Variants in VIT observed in about 807,000 individuals in gnomAD.
VIT encodes the protein vitrin.
Under a neutral mutation model 78.0 loss-of-function variants are expected in VIT, and 99 were observed. The observed-to-expected ratio is 1.27, with a 90% CI of 1.08 to 1.50. The LOEUF is 1.50. Among genes scored for constraint, VIT ranks in the 40% most tolerant of loss-of-function variants. VIT has a pLI of 0.00. For missense variants in VIT, 1,126 were observed against 875.3 expected (o/e 1.29, Z -3.61); for synonymous variants, 374 against 334.3 (o/e 1.12, Z -1.29).
chr2:36,756,496 C>T (rs894813887), intron 5 of VIT, among the ~76,000 whole-genome samples: 2 of 152,184 alleles, frequency 1.3e-5, no homozygotes, highest in African/African-American at 4.8e-5. Flanking sequence ...TTTTCTAGCA[C>T]TGCTAGGCAC....
At chr2:36,706,115 C>T (rs887375471) in intron 1 of VIT, among the ~76,000 whole-genome samples, 7 of 152,206 alleles carry the variant, frequency 4.6e-5, no homozygotes, top group African/African-American at 1.7e-4. Context: ...CTTTTTATTT[C>T]CTGATTATCC....
intron 1 of VIT, among the ~76,000 whole-genome samples, chr2:36,697,601 G>C (rs1263507464): frequency 6.6e-6 from 1 of 152,222 alleles, no homozygotes; most frequent in South Asian, 2.1e-4. Flanking sequence ...TCGTAGCTCA[G>C]CTTTTCACAG....
At chr2:36,747,077 GGTT>G (rs1668181342) in intron 4 of VIT, among the ~76,000 whole-genome samples, 1 of 152,066 alleles carries the variant, frequency 6.6e-6, no homozygotes, top group Admixed American at 6.6e-5. Context: ...TTCAGGAGTA[GGTT>G]GTTTAATTTC....
Position 36,801,358 on chromosome 2 carries a change from G to T in VIT, c.1116G>T (p.Lys372Asn). The T allele has an allele frequency of 1.2e-6, 2 of 1,614,094 alleles. No individual in the cohort carries two copies. The highest frequency in any genetic ancestry group is 2.2e-5 in the South Asian group (2 of 91,078). Residue 372 changes from lysine (K) to asparagine (N), a missense_variant, in exon 13 of 16, where the codon AAG (lysine) becomes AAT (asparagine). By Grantham distance (94) the Lys-to-Asn change is moderately conservative. Coordinates refer to ENST00000379242, the MANE Select transcript of VIT (RefSeq NM_053276.4). ...LKTHTNSRDL[K>N]TAIEKITQRG... ...CACACACGAATTCTCGAGATCTGAA[G>T]ACAGCCATAGAGAAAATTACTCAGA... is the stretch of plus-strand genomic sequence containing the variant.
At position 36,744,327 on chromosome 2, in the gene VIT, C is replaced by A. The variant is rs141654687; in HGVS notation, c.275+1071C>A. 1.6e-4 allele frequency among the ~76,000 whole-genome samples: 25 copies of A among 152,220 alleles called. No individual in the cohort carries two copies. The East Asian group carries it at 4.6e-3, about 28-fold the overall frequency. The stretch of plus-strand genomic sequence containing the variant: ...TATTTTCCTTTTGGTATATACCCAG[C>A]AATGGGTATATATAGTCAGCAATGG... On this transcript the variant is annotated intron_variant, in intron 4 of 15. Transcript: ENST00000379242.
Position 36,805,576 on chromosome 2 carries a change from A to G in VIT, c.1301A>G (p.Glu434Gly), listed in dbSNP as rs1166721193. 6.2e-7 allele frequency: 1 copy of G among 1,614,126 alleles called. No homozygotes were observed. The highest frequency in any genetic ancestry group is 1.7e-5 in the Admixed American group (1 of 60,012). ...GAGGAGGCTTCAAGACTTGCGAGAG[A>G]GTCAGGAATCAACATTTTCTTCATC... ...KVEEASRLAR[E>G]SGINIFFITI... The change falls in exon 14 of 16, where the codon GAG becomes GGG. Residue 434 changes from glutamate (E) to glycine (G), a missense_variant. Transcript: ENST00000379242.
At chr2:36,713,421 A>G (rs1170128820) in intron 1 of VIT, among the ~76,000 whole-genome samples, 1 of 152,220 alleles carries the variant, frequency 6.6e-6, no homozygotes, top group African/African-American at 2.4e-5. Context: ...ACGGAGGCCA[A>G]ATCAAGCAGG....
At chr2:36,703,909 GT>G (rs770921016) in intron 1 of VIT, among the ~76,000 whole-genome samples, 6 of 116,492 alleles carry the variant, frequency 5.2e-5, no homozygotes, top group African/African-American at 1.7e-4. Flanking sequence ...TTTGTTTGGG[GT>G]TTTTTTTTGT....
Position 36,703,917 on chromosome 2 carries a change from TTGTTTGTTTTTTGTTTTTG to T in VIT, c.-19+6946_-19+6964del, listed in dbSNP as rs1363101561. On this transcript the variant is annotated intron_variant, in intron 1 of 15. Transcript: ENST00000379242. ...TTGTTTGTTTGTTTGGGGTTTTTTTTTGTTTGTTTTTTGTTTTTGTTTTTTTTTTTTGGAGACTCACTCT... is the reference window on the plus strand; with the variant it reads ...TTGTTTGTTTGTTTGGGGTTTTTTTTTTTTTTTTTTTTGGAGACTCACTCT... Among the ~76,000 whole-genome samples the T allele has an allele frequency of 6.8e-3, 340 of 49,746 alleles. 26 individuals carry two copies. The highest frequency in any genetic ancestry group is 0.019 in the Middle Eastern group (1 of 52). 32.6% of individuals were successfully genotyped at this position (49,746 alleles called of 152,430 possible). A position where few individuals can be genotyped will look rare whatever the true frequency, so the allele number is the denominator to read the frequency against.
intron 12 of VIT, among the ~76,000 whole-genome samples, chr2:36,798,405 G>A (rs1666062161): frequency 6.6e-6 from 1 of 152,132 alleles, no homozygotes; most frequent in Non-Finnish European, 1.5e-5. Context: ...TGAGGGATGG[G>A]GGCTGATGGG....
intron 4 of VIT, among the ~76,000 whole-genome samples, chr2:36,746,429 G>A (rs1381399813): frequency 1.3e-5 from 2 of 152,024 alleles, no homozygotes; most frequent in Admixed American, 6.6e-5. Context: ...AATCTATCTG[G>A]TCCAGGGCTT....
At chr2:36,753,721 T>C (rs1437897654) in intron 4 of VIT, among the ~76,000 whole-genome samples, 1 of 152,170 alleles carries the variant, frequency 6.6e-6, no homozygotes, top group Non-Finnish European at 1.5e-5. Flanking sequence ...GGAGTGGGAA[T>C]GGCTGAAACC....
Position 36,774,987 on chromosome 2 carries a change from G to T in VIT, c.737-15G>T. The T allele has an allele frequency of 6.2e-7, 1 of 1,614,036 alleles. No individual in the cohort carries two copies. The highest frequency in any genetic ancestry group is 8.5e-7 in the Non-Finnish European group (1 of 1,179,964). ...GGTTGTGTGTAAATCGGCTGACCCT[G>T]TGTAATCCCCTCAGGTATCCAAAGG... On this transcript the variant is annotated splice_polypyrimidine_tract_variant and intron_variant, in intron 8 of 15. Transcript: ENST00000379242.
intron 3 of VIT, among the ~76,000 whole-genome samples, chr2:36,730,020 C>G (rs11678799): frequency 0.97 from 147,050 of 152,294 alleles, 71,178 homozygotes; most frequent in Middle Eastern, 1. Context: ...ATAAGGCCAG[C>G]GACGGTGGCT....
At chr2:36,739,672 T>G (rs2148509034) in intron 3 of VIT, among the ~76,000 whole-genome samples, 1 of 152,122 alleles carries the variant, frequency 6.6e-6, no homozygotes, top group East Asian at 1.9e-4. Flanking sequence ...GGTGCTCTAA[T>G]GTGATTTCTG....
rs1222276636 is a variant in VIT at position 36,754,951 on chromosome 2, A to G, written c.306A>G (p.Ile102Met). ...SGVLDNSGGK[I>M]LVRKVAGQSG... The stretch of plus-strand genomic sequence containing the variant: ...TGCTTGATAATTCAGGAGGGAAAAT[A>G]CTTGTTCGGAAGGTTGCTGGACAGT... The change falls in exon 5 of 16, where the codon ATA becomes ATG. Residue 102 changes from isoleucine to methionine, a missense_variant. Physicochemically the swap from Ile to Met is conservative, Grantham distance 10 (BLOSUM62 1). Coordinates refer to ENST00000379242, the MANE Select transcript of VIT (RefSeq NM_053276.4). 1 of 1,613,994 alleles carries G rather than the reference A, an allele frequency of 6.2e-7. No homozygotes were observed. The highest frequency in any genetic ancestry group is 8.5e-7 in the Non-Finnish European group (1 of 1,179,994).
intron 13 of VIT, among the ~76,000 whole-genome samples, chr2:36,803,152 C>T (rs1666452019): frequency 6.6e-6 from 1 of 152,190 alleles, no homozygotes; most frequent in South Asian, 2.1e-4. Flanking sequence ...CCACACCCTG[C>T]CGCCCCAAAC....
intron 4 of VIT, among the ~76,000 whole-genome samples, chr2:36,745,465 G>A (rs1359647665): frequency 1.3e-5 from 2 of 152,018 alleles, no homozygotes; most frequent in African/African-American, 4.8e-5. Flanking sequence ...TTTTCCATTT[G>A]TTCATGTCAT....
intron 6 of VIT, among the ~76,000 whole-genome samples, chr2:36,765,487 T>C (rs1669375972): frequency 6.8e-6 from 1 of 147,332 alleles, no homozygotes; most frequent in African/African-American, 2.5e-5. Flanking sequence ...TTGTGAGAAC[T>C]CACTCACTAT....
Sources: allele counts gnomAD v4.1 joint callset (sites outside exome capture counted in the v4.1 genomes callset), GRCh38; gene constraint gnomAD v4.1.1; transcripts MANE v1.5; gene names NCBI Gene and HGNC (gene_info 2026-07-23, HGNC 2026-07-21).